The following PCDHA10 variants were observed in gnomAD, a reference collection of about 807,000 sequenced individuals.
PCDHA10 encodes protocadherin alpha-10.
PCDHA10 carries 45 observed loss-of-function variants against 61.2 expected under a neutral mutation model. The ratio of observed to expected loss-of-function variants is 0.74; its 90% CI spans 0.58 to 0.94. The LOEUF (loss-of-function observed/expected upper bound fraction) is 0.94. Ranked by LOEUF, PCDHA10 falls within the 40% of genes least tolerant of loss-of-function variation. The pLI is 0.00. For missense variants in PCDHA10, 1,278 were observed against 1,236.2 expected (o/e 1.03, Z -0.51); for synonymous variants, 602 against 548.8 (o/e 1.10, Z -1.35).
intron 3 of PCDHA10, among the ~76,000 whole-genome samples, chr5:141,003,410 C>T (rs1282162216): frequency 1.3e-5 from 2 of 152,110 alleles, no homozygotes; most frequent in Non-Finnish European, 2.9e-5. Flanking sequence ...CTCCCGGGTT[C>T]GAGTGATTCT....
chr5:140,876,306 C>A (rs2056271023), intron 1 of PCDHA10: 1 of 1,613,986 alleles, frequency 6.2e-7, no homozygotes, highest in Non-Finnish European at 8.5e-7. Context: ...GAGAAATTTC[C>A]TATGGGATCA....
chr5:140,874,567 G>A (rs2055003260), intron 1 of PCDHA10, among the ~76,000 whole-genome samples: 1 of 152,180 alleles, frequency 6.6e-6, no homozygotes, highest in African/African-American at 2.4e-5. Flanking sequence ...GCATTTTAGT[G>A]CTCCATTGTT....
intron 1 of PCDHA10, chr5:140,863,344 T>C (rs1554158123): frequency 1.5e-6 from 2 of 1,323,546 alleles, no homozygotes; most frequent in Admixed American, 1.8e-5. Context: ...GTTGCTGCTG[T>C]ACACGACGCT....
chr5:140,943,696 A>G (rs2093549628), intron 1 of PCDHA10, among the ~76,000 whole-genome samples: 1 of 152,256 alleles, frequency 6.6e-6, no homozygotes, highest in South Asian at 2.1e-4. Context: ...AGGTCAAAAT[A>G]TTGTGGAACA....
At chr5:140,876,859 T>A in intron 1 of PCDHA10, 1 of 1,614,068 alleles carries the variant, frequency 6.2e-7, no homozygotes, top group Non-Finnish European at 8.5e-7. Flanking sequence ...GTACACAGTG[T>A]TCGTGAAGGA....
rs782453395 is a variant in PCDHA10 at position 140,875,890 on chromosome 5, G to A, written c.2388+17454G>A. 2.4e-5 allele frequency: 38 copies of A among 1,614,180 alleles called. No homozygotes were observed. The South Asian group carries it at 4.1e-4, about 17-fold the overall frequency. On this transcript the variant is annotated intron_variant, in intron 1 of 3. Coordinates refer to ENST00000307360, the MANE Select transcript of PCDHA10 (RefSeq NM_018901.4). Reference sequence around the variant, plus strand: ...GGTGTTCAGAGAAAGGGAACAAAAGGTACCTGTTTCTGAATCTGCGCCTCT... The same window carrying A: ...GGTGTTCAGAGAAAGGGAACAAAAGATACCTGTTTCTGAATCTGCGCCTCT...
chr5:140,981,673 C>T (rs1184909774), intron 2 of PCDHA10, among the ~76,000 whole-genome samples: 1 of 152,108 alleles, frequency 6.6e-6, no homozygotes, highest in African/African-American at 2.4e-5. Flanking sequence ...TTCCTTTCTT[C>T]CTTCCTCCCT....
At position 140,856,837 on chromosome 5, in the gene PCDHA10, C is replaced by A; in HGVS notation, c.789C>A (p.Leu263=). The A allele has an allele frequency of 6.3e-7, 1 of 1,591,918 alleles. No individual in the cohort carries two copies. Among genetic ancestry groups the A allele is most frequent in the Non-Finnish European group, 8.6e-7 (1 of 1,162,120 alleles). Residue 263 remains leucine, a synonymous_variant, in exon 1 of 4, where the codon CTC becomes CTA. Transcript: ENST00000307360. The part of the protein sequence containing the change: ...NQVNQTLVIR[L]NASDSDEGIN... ...TGAACCAAACATTAGTAATACGGCT[C>A]AACGCTTCTGATTCGGATGAAGGAA...
intron 1 of PCDHA10, chr5:140,862,920 G>A (rs2047655483): frequency 3.6e-6 from 2 of 548,666 alleles, no homozygotes; most frequent in African/African-American, 3.8e-5. Flanking sequence ...CGCCTTGGGT[G>A]GGCTGGCGGC....
intron 1 of PCDHA10, among the ~76,000 whole-genome samples, chr5:140,907,278 A>G (rs558447183): frequency 2.6e-5 from 4 of 152,338 alleles, no homozygotes; most frequent in African/African-American, 7.2e-5. Context: ...CCATCATTCT[A>G]TCAATCCAGC....
chr5:140,897,877 C>T (rs1554187641), intron 1 of PCDHA10, among the ~76,000 whole-genome samples: 1 of 152,154 alleles, frequency 6.6e-6, no homozygotes, highest in Non-Finnish European at 1.5e-5. Flanking sequence ...TAATGATTGC[C>T]ATTCTAACTG....
chr5:140,904,328 C>T (rs1469107868), intron 1 of PCDHA10, among the ~76,000 whole-genome samples: 2 of 151,958 alleles, frequency 1.3e-5, no homozygotes, highest in South Asian at 2.1e-4. Flanking sequence ...ATAATGGTCT[C>T]CAGTTCCATC....
intron 1 of PCDHA10, among the ~76,000 whole-genome samples, chr5:140,951,145 TG>T (rs1554219754): frequency 9.9e-6 from 1 of 100,698 alleles, no homozygotes; most frequent in African/African-American, 4.8e-5. Flanking sequence ...TTTATCTTAT[TG>T]AATATAGTTA....
chr5:140,897,052 C>G (rs2065858358), intron 1 of PCDHA10, among the ~76,000 whole-genome samples: 1 of 152,114 alleles, frequency 6.6e-6, no homozygotes, highest in Non-Finnish European at 1.5e-5. Context: ...ATTCTGCTGT[C>G]AAATACTATG....
chr5:140,869,332 G>A, intron 1 of PCDHA10: 3 of 1,613,960 alleles, frequency 1.9e-6, no homozygotes, highest in Middle Eastern at 1.7e-4. Flanking sequence ...CCTTCTGGAG[G>A]TAAATCTGCA....
chr5:140,862,787 A>G, intron 1 of PCDHA10: 1 of 578,112 alleles, frequency 1.7e-6, no homozygotes. Context: ...CCACTGGACT[A>G]CGAGGAGCTG....
At chr5:140,959,719 A>G (rs986383146) in intron 1 of PCDHA10, among the ~76,000 whole-genome samples, 4 of 152,366 alleles carry the variant, frequency 2.6e-5, no homozygotes, top group African/African-American at 9.6e-5. Context: ...AAATTTTTAG[A>G]TAACATTATC....
chr5:140,856,279 T>A lies in PCDHA10; in HGVS notation c.231T>A (p.Asn77Lys), dbSNP rs1554148476. 1.3e-6 allele frequency: 2 copies of A among 1,598,260 alleles called. No homozygotes were observed. The highest frequency in any genetic ancestry group is 2.2e-5 in the East Asian group (1 of 44,848). The part of the protein sequence containing the change: ...SKRHGDLLEV[N>K]LQNGILFVNS... Reference sequence around the variant, plus strand: ...GACACGGGGACCTTCTGGAGGTAAATCTGCAGAATGGCATTTTGTTTGTGA... The same window carrying A: ...GACACGGGGACCTTCTGGAGGTAAAACTGCAGAATGGCATTTTGTTTGTGA... Residue 77 changes from asparagine (N) to lysine (K), a missense_variant, in exon 1 of 4, where the codon AAT becomes AAA. By Grantham distance (94) the Asn-to-Lys change is moderately conservative (BLOSUM62 0). Transcript: ENST00000307360.
intron 1 of PCDHA10, among the ~76,000 whole-genome samples, chr5:140,904,653 A>AGT (rs2071298480): frequency 6.6e-6 from 1 of 152,104 alleles, no homozygotes; most frequent in Non-Finnish European, 1.5e-5. Context: ...TGTTTTCCAT[A>AGT]GTGGTTGTAC....
Sources: allele counts gnomAD v4.1 joint callset (sites outside exome capture counted in the v4.1 genomes callset), GRCh38; gene constraint gnomAD v4.1.1; transcripts MANE v1.5; gene names NCBI Gene and HGNC (gene_info 2026-07-23, HGNC 2026-07-21).